Variants in ACTR2 observed in about 807,000 individuals in gnomAD.
ACTR2 encodes the protein actin related protein 2.
A neutral mutation model predicts 50.2 loss-of-function variants in ACTR2; 5 were observed. That is an observed-to-expected ratio of 0.10 (90% CI 0.05 to 0.21). The LOEUF (loss-of-function observed/expected upper bound fraction) is 0.21. ACTR2 is among the 10% of genes least tolerant of loss of function. The probability of loss-of-function intolerance (pLI) is 1.00; values close to 1 mark genes in which losing one functional copy is unlikely to be tolerated. For missense variants in ACTR2, 180 were observed against 480.6 expected (o/e 0.37, Z 5.85); for synonymous variants, 140 against 162.9 (o/e 0.86, Z 1.07).
intron 6 of ACTR2, among the ~76,000 whole-genome samples, chr2:65,257,703 C>G (rs533282745): frequency 6.6e-6 from 1 of 152,198 alleles, no homozygotes; most frequent in Non-Finnish European, 1.5e-5. Context: ...CGATGATGAG[C>G]TTTTTTTCTT....
At chr2:65,244,430 C>T (rs541129191) in intron 2 of ACTR2, among the ~76,000 whole-genome samples, 1 of 152,194 alleles carries the variant, frequency 6.6e-6, no homozygotes, top group South Asian at 2.1e-4. Flanking sequence ...AATGATTTTA[C>T]AATGAAACTT....
intron 8 of ACTR2, among the ~76,000 whole-genome samples, chr2:65,267,273 T>C (rs1215072215): frequency 6.6e-6 from 1 of 152,192 alleles, no homozygotes; most frequent in Admixed American, 6.5e-5. Flanking sequence ...TCTAGCTACA[T>C]GTGGGGTTGG....
intron 6 of ACTR2, among the ~76,000 whole-genome samples, chr2:65,257,122 C>T (rs953975307): frequency 2.0e-5 from 3 of 151,822 alleles, no homozygotes; most frequent in Admixed American, 6.6e-5. Context: ...CCAACAGGCC[C>T]CATGTGTGTT....
chr2:65,232,605 A>G lies in ACTR2; in HGVS notation c.48+4648A>G, dbSNP rs1671660234. On this transcript the variant is annotated intron_variant, in intron 1 of 8. Transcript: ENST00000260641. The stretch of plus-strand genomic sequence containing the variant: ...CCATGAGATAAAATTAGTAAGGGGA[A>G]AATAAATATTAAATAAGCCCAAATG... Among the ~76,000 whole-genome samples, 6 of 152,238 alleles carry G rather than the reference A, an allele frequency of 3.9e-5. 1 individual carries two copies. In the South Asian group the frequency reaches 1.2e-3, roughly 31 times the overall value.
chr2:65,243,099 T>C (rs1671872859), intron 2 of ACTR2, among the ~76,000 whole-genome samples: 1 of 151,850 alleles, frequency 6.6e-6, no homozygotes, highest in Admixed American at 6.6e-5. Context: ...ACGAACATGG[T>C]GAAGCCCCAT....
At chr2:65,235,858 G>T (rs533543784) in intron 1 of ACTR2, among the ~76,000 whole-genome samples, 16 of 152,240 alleles carry the variant, frequency 1.1e-4, no homozygotes, top group African/African-American at 3.9e-4. Context: ...TATAAACTAA[G>T]ACTAGGTTTG....
rs777074458 is a variant in ACTR2, at chr2:65,269,559, T to C, written c.*825T>C. 8 of 152,248 alleles carry C rather than the reference T, an allele frequency of 5.3e-5. No individual in the cohort carries two copies. Among genetic ancestry groups the C allele is most frequent in the Non-Finnish European group, 8.8e-5 (6 of 68,040 alleles). 9.4% of individuals were successfully genotyped at this position (152,248 alleles called of 1,614,324 possible). On this transcript the variant is annotated 3_prime_UTR_variant, in exon 9 of 9. Transcript: ENST00000260641. ...GATTAGACTCCCTACAGTCCTTCAA[T>C]GGAAAAGTAACATTTAAAAATCCTT...
intron 4 of ACTR2, 116 bp downstream of exon 4, chr2:65,251,215 A>C (rs1028007844): frequency 4.0e-5 from 21 of 519,552 alleles, no homozygotes; most frequent in Non-Finnish European, 6.1e-5. Flanking sequence ...TACATTATTT[A>C]TATACCACAC....
At chr2:65,247,444 C>T (rs12463467) in intron 3 of ACTR2, among the ~76,000 whole-genome samples, 83,148 of 151,696 alleles carry the variant, frequency 0.55, 23,395 homozygotes, top group East Asian at 0.79. Context: ...AAAAATTAGC[C>T]GGGCGTGGTG....
At chr2:65,261,643 C>T (rs1468851607) in intron 7 of ACTR2, among the ~76,000 whole-genome samples, 2 of 152,062 alleles carry the variant, frequency 1.3e-5, no homozygotes, top group Admixed American at 6.6e-5. Flanking sequence ...TTTTCTGAAC[C>T]GTTTGAGGGT....
At chr2:65,260,949 C>G (rs1672258032) in intron 6 of ACTR2, among the ~76,000 whole-genome samples, 1 of 152,014 alleles carries the variant, frequency 6.6e-6, no homozygotes, top group Non-Finnish European at 1.5e-5. Flanking sequence ...TCAGGATGGT[C>G]TCAATCTCCT....
chr2:65,246,417 T>A lies in ACTR2; in HGVS notation c.160-107T>A, dbSNP rs1032363214. On this transcript the variant is annotated intron_variant, in intron 2 of 8. Transcript: ENST00000260641. ...AGAAAAGATTTTCTAACTTGTGGAA[T>A]AAAAAGATTTATTTTGCAAGTGTCA... 4 of 776,742 alleles carry A rather than the reference T, an allele frequency of 5.1e-6. No homozygotes were observed. In the African/African-American group the frequency reaches 7.2e-5, roughly 14 times the overall value. The allele number at this position is 776,742 out of a possible 1,614,324, so 48.1% of individuals were successfully genotyped here.
intron 6 of ACTR2, among the ~76,000 whole-genome samples, chr2:65,258,690 A>G (rs1034540511): frequency 9.9e-5 from 15 of 152,168 alleles, no homozygotes; most frequent in East Asian, 3.8e-4. Context: ...GAGGAGGGAC[A>G]TGGGTGGACA....
chr2:65,247,172 C>CT (rs1671953598), intron 3 of ACTR2, among the ~76,000 whole-genome samples: 1 of 152,116 alleles, frequency 6.6e-6, no homozygotes, highest in Non-Finnish European at 1.5e-5. Context: ...CACGTGCAAA[C>CT]TTAACTACCA....
At chr2:65,228,593 C>A (rs925036003) in intron 1 of ACTR2, 9 of 152,132 alleles carry the variant, frequency 5.9e-5, no homozygotes, top group African/African-American at 2.2e-4. Context: ...GGAGTAGGCC[C>A]ACGGAGACCA....
chr2:65,240,884 T>A (rs1271001263), intron 2 of ACTR2, among the ~76,000 whole-genome samples: 1 of 152,172 alleles, frequency 6.6e-6, no homozygotes, highest in Non-Finnish European at 1.5e-5. Context: ...GACATTTGTT[T>A]TATGTAGGAA....
intron 7 of ACTR2, among the ~76,000 whole-genome samples, chr2:65,263,211 A>C (rs187016022): frequency 6.7e-6 from 1 of 149,426 alleles, no homozygotes; most frequent in Non-Finnish European, 1.5e-5. Context: ...GGACATTTTA[A>C]ATTTTTTTTT....
intron 1 of ACTR2, among the ~76,000 whole-genome samples, chr2:65,237,750 G>T (rs887924462): frequency 6.6e-6 from 1 of 152,046 alleles, no homozygotes; most frequent in African/African-American, 2.4e-5. Context: ...CACTTTGGGA[G>T]GCCGAGGCAG....
rs4513276 is a variant in ACTR2 at position 65,269,117 on chromosome 2, G to T, written c.*383G>T. Reference sequence around the variant, plus strand: ...TAAAACAAAAAAAACTTTAACAGGAGCTTTTACATATTACTGGGATGGGGG... The same window carrying T: ...TAAAACAAAAAAAACTTTAACAGGATCTTTTACATATTACTGGGATGGGGG... On this transcript the variant is annotated 3_prime_UTR_variant, in exon 9 of 9. Coordinates refer to ENST00000260641, the MANE Select transcript of ACTR2 (RefSeq NM_005722.4). The T allele has an allele frequency of 0.31, 49,280 of 158,072 alleles. 8,436 individuals are homozygous for T. The highest frequency in any genetic ancestry group is 0.72 in the East Asian group (3,833 of 5,300). The allele number at this position is 158,072 out of a possible 1,614,324, so 9.8% of individuals were successfully genotyped here. A position where few individuals can be genotyped will look rare whatever the true frequency, so the allele number is the denominator to read the frequency against.
Sources: allele counts gnomAD v4.1 joint callset (sites outside exome capture counted in the v4.1 genomes callset), GRCh38; gene constraint gnomAD v4.1.1; transcripts MANE v1.5; gene names NCBI Gene and HGNC (gene_info 2026-07-23, HGNC 2026-07-21).